GEM: variants seen among roughly 807,000 people sequenced by gnomAD.
The protein encoded by GEM is GTP binding protein overexpressed in skeletal muscle.
In GEM, 31 loss-of-function variants were observed where a neutral mutation model predicts 33.0. The ratio of observed to expected loss-of-function variants is 0.94; its 90% confidence interval spans 0.71 to 1.27. The LOEUF (loss-of-function observed/expected upper bound fraction) is 1.27. Ranked by LOEUF, GEM falls within the 50% of genes most tolerant of loss-of-function variation. GEM has a pLI of 0.00. For synonymous variants in GEM, 141 were observed against 143.7 expected, an observed-to-expected ratio of 0.98 and a Z score of 0.13; for missense variants, 354 against 390.5, an observed-to-expected ratio of 0.91 and a Z score of 0.79.
rs2129786620 is a variant in GEM at position 94,262,244 on chromosome 8, C to T, written c.-164G>A. 6.6e-6 allele frequency: 1 copy of T among 152,346 alleles called. No homozygotes were observed. The highest frequency in any genetic ancestry group is 2.1e-4 in the South Asian group (1 of 4,830). 9.4% of individuals were successfully genotyped at this position (152,346 alleles called of 1,614,324 possible). A position where few individuals can be genotyped will look rare whatever the true frequency, so the allele number is the denominator to read the frequency against. ...TCGGCGTCGGGGCGTCAGCGTATCG[C>T]GTGGGTCCGCGCTGGGATACCCGGG... On this transcript the variant is annotated 5_prime_UTR_variant, in exon 1 of 5. Coordinates refer to ENST00000297596, the MANE Select transcript of GEM (RefSeq NM_005261.4).
At chr8:94,259,104 A>G (rs1341767449) in intron 2 of GEM, among the ~76,000 whole-genome samples, 1 of 152,160 alleles carries the variant, frequency 6.6e-6, no homozygotes, top group African/African-American at 2.4e-5. Flanking sequence ...AGAGAAATCA[A>G]TGTTACAACA....
chr8:94,258,967 C>T (rs2445714), intron 2 of GEM, among the ~76,000 whole-genome samples: 80,434 of 152,016 alleles, frequency 0.53, 22,144 homozygotes, highest in African/African-American at 0.66. Context: ...ACTCTAAATG[C>T]TAGCCCCTTC....
In GEM at chr8:94,250,568, C is replaced by T. The variant is rs1808744577; in HGVS notation, c.633G>A (p.Val211=). 1.2e-6 allele frequency: 2 copies of T among 1,613,432 alleles called. No individual in the cohort carries two copies. Among genetic ancestry groups the T allele is most frequent in the South Asian group, 1.1e-5 (1 of 91,060 alleles). ...TCTCGATGAACTTGCAGTCAAACAC[C>T]ACTGCACAGGCTCTCCCTTCTGGGA... ...VSVSEGRACA[V]VFDCKFIETS... Residue 211 remains valine (V), a synonymous_variant, in exon 5 of 5, where the codon GTG becomes GTA. Transcript: ENST00000297596.
intron 1 of GEM, 44 bp from the exon 2 acceptor site, chr8:94,260,556 G>A: frequency 1.8e-6 from 2 of 1,113,476 alleles, no homozygotes; most frequent in Non-Finnish European, 2.6e-6. Context: ...GTAAGCATGA[G>A]TGAGAGCTCC....
chr8:94,250,823 G>T (rs996407424), intron 4 of GEM, among the ~76,000 whole-genome samples: 6 of 152,156 alleles, frequency 3.9e-5, no homozygotes, highest in Non-Finnish European at 7.3e-5. Flanking sequence ...CTGTCTGAAG[G>T]TCCCATTTCA....
chr8:94,255,954 T>C (rs1455955754), intron 2 of GEM, among the ~76,000 whole-genome samples: 1 of 152,174 alleles, frequency 6.6e-6, no homozygotes, highest in Non-Finnish European at 1.5e-5. Context: ...ACTCTCTCCC[T>C]GACCAAACTT....
At position 94,252,144 on chromosome 8, in the gene GEM, G is replaced by C. The variant is rs748020922; in HGVS notation, c.488C>G (p.Ala163Gly). The C allele has an allele frequency of 8.7e-6, 14 of 1,613,084 alleles. No homozygotes were observed. Among genetic ancestry groups the C allele is most frequent in the Non-Finnish European group, 1.2e-5 (14 of 1,179,102 alleles). The change falls in exon 4 of 5, where the codon GCG becomes GGG. Residue 163 changes from alanine (A) to glycine (G), a missense_variant. Transcript: ENST00000297596. The part of the protein sequence containing the change: ...YLIVYSITDR[A>G]SFEKASELRI... ...CAGCTCAGATGCCTTCTCGAAGCTC[G>C]CTCGGTCTGTGATTGAGTAGACAAT... is the stretch of plus-strand genomic sequence containing the variant.
chr8:94,249,954 A>G lies in GEM; in HGVS notation c.*356T>C, dbSNP rs1808724242. On this transcript the variant is annotated 3_prime_UTR_variant, in exon 5 of 5. Transcript: ENST00000297596. ...TGACTCATTGGCCTCAAAGTCACAT[A>G]TCAGAACACTGGGAAAAATTTTTAA... 5.1e-6 allele frequency: 1 copy of G among 196,780 alleles called. No individual in the cohort carries two copies. The highest frequency in any genetic ancestry group is 1.0e-5 in the Non-Finnish European group (1 of 98,384). 12.2% of individuals were successfully genotyped at this position (196,780 alleles called of 1,614,324 possible).
At chr8:94,258,253 T>A (rs1034731437) in intron 2 of GEM, among the ~76,000 whole-genome samples, 1 of 152,196 alleles carries the variant, frequency 6.6e-6, no homozygotes, top group East Asian at 1.9e-4. Flanking sequence ...AAGTCTACTA[T>A]CCACTAACTT....
At chr8:94,255,689 A>G (rs1808876499) in intron 2 of GEM, among the ~76,000 whole-genome samples, 1 of 152,198 alleles carries the variant, frequency 6.6e-6, no homozygotes, top group Non-Finnish European at 1.5e-5. Context: ...GAGCTCTTTG[A>G]AATCTGCTTC....
At chr8:94,250,861 G>C (rs1808755372) in intron 4 of GEM, among the ~76,000 whole-genome samples, 2 of 152,238 alleles carry the variant, frequency 1.3e-5, no homozygotes, top group Non-Finnish European at 2.9e-5. Context: ...AGTTATAACA[G>C]TAAAAGCCAT....
At chr8:94,253,796 G>C (rs1808830009) in intron 2 of GEM, among the ~76,000 whole-genome samples, 1 of 152,132 alleles carries the variant, frequency 6.6e-6, no homozygotes, top group African/African-American at 2.4e-5. Flanking sequence ...TGTAGGTGAA[G>C]GGTGAACACA....
chr8:94,250,635 C>G, intron 4 of GEM, 48 bp from the exon 5 acceptor site: 3 of 1,485,494 alleles, frequency 2.0e-6, no homozygotes, highest in Non-Finnish European at 2.8e-6. Flanking sequence ...CACAGTCCCA[C>G]ATAGCACACA....
intron 3 of GEM, among the ~76,000 whole-genome samples, chr8:94,252,619 AG>A (rs1486833633): frequency 6.6e-6 from 1 of 152,186 alleles, no homozygotes; most frequent in Non-Finnish European, 1.5e-5. Flanking sequence ...TTGTGGGACT[AG>A]GAGGGTTTTC....
Position 94,250,186 on chromosome 8 carries a change from C to T in GEM, c.*124G>A, listed in dbSNP as rs532070966. The stretch of plus-strand genomic sequence containing the variant: ...CATCATGTTGCCCACAAGGCTAATA[C>T]GCTAGCTCCCTGCTACAATGGGGGA... On this transcript the variant is annotated 3_prime_UTR_variant, in exon 5 of 5. Transcript: ENST00000297596. 2.0e-5 allele frequency: 15 copies of T among 768,206 alleles called. No individual in the cohort carries two copies. In the East Asian group the frequency reaches 2.3e-4, roughly 12 times the overall value. The allele number at this position is 768,206 out of a possible 1,614,324, so 47.6% of individuals were successfully genotyped here.
intron 3 of GEM, among the ~76,000 whole-genome samples, chr8:94,252,471 C>T (rs1808797953): frequency 6.6e-6 from 1 of 152,166 alleles, no homozygotes; most frequent in Admixed American, 6.5e-5. Context: ...GTATCTTCTA[C>T]AGCTTGATTT....
intron 1 of GEM, 41 bp from the exon 2 acceptor site, chr8:94,260,553 T>C (rs768455014): frequency 8.6e-7 from 1 of 1,169,030 alleles, no homozygotes; most frequent in Admixed American, 1.9e-5. Context: ...TTAGTAAGCA[T>C]GAGTGAGAGC....
intron 2 of GEM, among the ~76,000 whole-genome samples, chr8:94,258,870 C>A (rs1433216579): frequency 6.6e-6 from 1 of 152,160 alleles, no homozygotes; most frequent in Non-Finnish European, 1.5e-5. Context: ...TTAGTTTACT[C>A]ATGAGTACAA....
Position 94,250,403 on chromosome 8 carries a change from G to A in GEM, c.798C>T (p.Ala266=). The change falls in exon 5 of 5, where the codon GCC becomes GCT. Residue 266 remains alanine, a synonymous_variant. Coordinates refer to ENST00000297596, the MANE Select transcript of GEM (RefSeq NM_005261.4). ...QKRKESMPRK[A]RRFWGKIVAK... ...CCACGATCTTGCCCCAGAAGCGCCT[G>A]GCTTTCCTGGGCATGCTCTCCTTCC... 1.2e-6 allele frequency: 2 copies of A among 1,614,142 alleles called. No homozygotes were observed. The highest frequency in any genetic ancestry group is 1.7e-6 in the Non-Finnish European group (2 of 1,179,996).
Sources: allele counts gnomAD v4.1 joint callset (sites outside exome capture counted in the v4.1 genomes callset), GRCh38; gene constraint gnomAD v4.1.1; transcripts MANE v1.5; gene names NCBI Gene and HGNC (gene_info 2026-07-23, HGNC 2026-07-21).